ELK3: variants seen among roughly 807,000 people sequenced by gnomAD.
ELK3 encodes the protein ETS domain-containing protein Elk-3.
A neutral mutation model predicts 28.9 loss-of-function variants in ELK3; 10 were observed. The ratio of observed to expected loss-of-function variants is 0.35; its 90% confidence interval spans 0.21 to 0.59. The LOEUF (loss-of-function observed/expected upper bound fraction) is 0.59. Among genes scored for constraint, ELK3 ranks in the 20% least tolerant of loss-of-function variants. ELK3 has a pLI of 0.82. For missense variants in ELK3, 463 were observed against 517.3 expected (o/e 0.90, Z 1.02); for synonymous variants, 272 against 243.5 (o/e 1.12, Z -1.09).
chr12:96,202,216 A>G (rs1951511858), intron 1 of ELK3, among the ~76,000 whole-genome samples: 1 of 152,168 alleles, frequency 6.6e-6, no homozygotes, highest in Non-Finnish European at 1.5e-5. Flanking sequence ...TAGTGACTTC[A>G]GCTTAGGATA....
At chr12:96,196,747 GTTTTTTT>G (rs56206854) in intron 1 of ELK3, among the ~76,000 whole-genome samples, 2 of 137,240 alleles carry the variant, frequency 1.5e-5, no homozygotes, top group African/African-American at 2.7e-5. Flanking sequence ...CTCTAAAAGT[GTTTTTTT>G]TTTTTTTTTT....
chr12:96,213,784 G>A (rs1295484840), intron 1 of ELK3: 1 of 151,778 alleles, frequency 6.6e-6, no homozygotes, highest in Non-Finnish European at 1.5e-5. Flanking sequence ...GGGGTGCAGT[G>A]ATGTGATCAC....
chr12:96,203,089 G>A (rs1043441693), intron 1 of ELK3, among the ~76,000 whole-genome samples: 3 of 151,746 alleles, frequency 2.0e-5, no homozygotes, highest in Non-Finnish European at 2.9e-5. Context: ...CACCATGCTG[G>A]CCAGGCTGGT....
intron 1 of ELK3, among the ~76,000 whole-genome samples, chr12:96,210,565 G>GCGCGGGCGCACACA (rs1555193034): frequency 6.8e-6 from 1 of 146,424 alleles, no homozygotes; most frequent in South Asian, 2.2e-4. Context: ...GCGGGCGCAC[G>GCGCGGGCGCACACA]CACACACACA....
chr12:96,226,930 T>G (rs891095035), intron 2 of ELK3, among the ~76,000 whole-genome samples: 1 of 152,234 alleles, frequency 6.6e-6, no homozygotes, highest in Non-Finnish European at 1.5e-5. Flanking sequence ...TGACGAAAAC[T>G]ACACTCTATT....
intron 3 of ELK3, among the ~76,000 whole-genome samples, chr12:96,255,725 G>C (rs1455874958): frequency 2.0e-5 from 3 of 152,150 alleles, no homozygotes; most frequent in Non-Finnish European, 4.4e-5. Context: ...ATATTTTAGG[G>C]AGGCATGAGA....
At chr12:96,198,465 A>G (rs372408521) in intron 1 of ELK3, among the ~76,000 whole-genome samples, 10 of 152,344 alleles carry the variant, frequency 6.6e-5, no homozygotes, top group East Asian at 1.9e-4. Flanking sequence ...GGTTCTGTAC[A>G]TAAATACGCA....
intron 1 of ELK3, among the ~76,000 whole-genome samples, chr12:96,214,635 A>C (rs971135522): frequency 6.6e-6 from 1 of 152,242 alleles, no homozygotes; most frequent in Non-Finnish European, 1.5e-5. Flanking sequence ...TTTTTTATAC[A>C]CAGTGATAAT....
At chr12:96,242,005 G>A (rs967139771) in intron 2 of ELK3, among the ~76,000 whole-genome samples, 2 of 152,218 alleles carry the variant, frequency 1.3e-5, no homozygotes, top group Admixed American at 1.3e-4. Flanking sequence ...TAAGAGGGAA[G>A]CGGATGTGTG....
intron 1 of ELK3, among the ~76,000 whole-genome samples, chr12:96,209,734 A>G (rs1279695788): frequency 1.3e-5 from 2 of 152,250 alleles, no homozygotes; most frequent in Non-Finnish European, 2.9e-5. Context: ...CATCCTTATT[A>G]TAAAGATCAT....
intron 1 of ELK3, among the ~76,000 whole-genome samples, chr12:96,199,292 T>A (rs1490895632): frequency 6.6e-6 from 1 of 152,230 alleles, no homozygotes; most frequent in African/African-American, 2.4e-5. Flanking sequence ...TATTACTGTT[T>A]CATTTTCTAT....
chr12:96,202,523 C>CTTTTT (rs67138285), intron 1 of ELK3, among the ~76,000 whole-genome samples: 3 of 108,600 alleles, frequency 2.8e-5, no homozygotes, highest in South Asian at 3.3e-4. Flanking sequence ...TTACCACAAG[C>CTTTTT]TTTTTTTTTT....
At chr12:96,262,512 A>G (rs141819857) in intron 4 of ELK3, among the ~76,000 whole-genome samples, 1 of 152,004 alleles carries the variant, frequency 6.6e-6, no homozygotes, top group Non-Finnish European at 1.5e-5. Flanking sequence ...TCAGAATACA[A>G]CCCTTGAAAA....
At position 96,266,675 on chromosome 12, in the gene ELK3, T is replaced by G. The variant is rs368325685; in HGVS notation, c.1126-407T>G. On this transcript the variant is annotated intron_variant, in intron 4 of 4. Transcript: ENST00000228741. ...TTCAAAATATAGTATTAGAAATTAC[T>G]GACTCACATGTAAAGAGTCTATGGT... 1.1e-4 allele frequency among the ~76,000 whole-genome samples: 16 copies of G among 152,318 alleles called. No individual in the cohort carries two copies. In the East Asian group the frequency reaches 1.9e-3, roughly 18 times the overall value.
intron 2 of ELK3, among the ~76,000 whole-genome samples, chr12:96,229,911 C>T (rs1180539061): frequency 6.6e-6 from 1 of 152,076 alleles, no homozygotes; most frequent in African/African-American, 2.4e-5. Flanking sequence ...AACTTGGTTA[C>T]GTCTGTAAAG....
At chr12:96,251,344 T>C (rs1467363846) in intron 3 of ELK3, among the ~76,000 whole-genome samples, 7 of 152,078 alleles carry the variant, frequency 4.6e-5, no homozygotes, top group African/African-American at 1.7e-4. Flanking sequence ...TCCCAACTGC[T>C]CTCCTGTGTC....
intron 2 of ELK3, among the ~76,000 whole-genome samples, chr12:96,228,005 C>T (rs549182674): frequency 1.1e-3 from 167 of 152,210 alleles, no homozygotes; most frequent in African/African-American, 3.7e-3. Flanking sequence ...ACATTGCAGA[C>T]AGTGCAAAGA....
At chr12:96,213,947 C>T (rs1951592799) in intron 1 of ELK3, 1 of 149,556 alleles carries the variant, frequency 6.7e-6, no homozygotes, top group Non-Finnish European at 1.5e-5. Context: ...TGGTCTTGAA[C>T]TCCTAGGCAC....
At chr12:96,202,620 G>A (rs1951514613) in intron 1 of ELK3, among the ~76,000 whole-genome samples, 2 of 149,356 alleles carry the variant, frequency 1.3e-5, no homozygotes. Context: ...TCCACCATGT[G>A]GGTTCAAGAG....
Sources: gnomAD v4.1 joint callset for allele counts (sites outside exome capture counted in the v4.1 genomes callset) on GRCh38, gnomAD v4.1.1 for gene constraint, MANE v1.5 for transcripts, NCBI Gene and HGNC (gene_info 2026-07-23, HGNC 2026-07-21) for gene names.